The following SV2C variants were observed in gnomAD, a reference collection of about 807,000 sequenced individuals.
SV2C encodes synaptic vesicle glycoprotein 2C.
Under a neutral mutation model 79.7 loss-of-function variants are expected in SV2C, and 49 were observed. That is an observed-to-expected ratio of 0.61 (90% confidence interval 0.49 to 0.78). SV2C has a LOEUF of 0.78. Among genes scored for constraint, SV2C ranks in the 30% least tolerant of loss-of-function variants. The pLI is 0.00. For missense variants in SV2C, 833 were observed against 912.9 expected, an observed-to-expected ratio of 0.91 and a Z score of 1.13; for synonymous variants, 334 against 333.2, an observed-to-expected ratio of 1.00 and a Z score of -0.03.
chr5:75,950,127 T>C, the SV2C span, among the ~76,000 whole-genome samples: 1 of 152,074 alleles, frequency 6.6e-6, no homozygotes, highest in Non-Finnish European at 1.5e-5. Flanking sequence ...ACTGTTGGTG[T>C]GTTTATACGC....
intron 4 of SV2C, among the ~76,000 whole-genome samples, chr5:76,235,904 T>TC (rs1159144727): frequency 3.9e-5 from 6 of 152,080 alleles, no homozygotes; most frequent in African/African-American, 1.4e-4. Flanking sequence ...TGAGTTGTCT[T>TC]CCCCCCACCG....
intron 4 of SV2C, among the ~76,000 whole-genome samples, chr5:76,278,062 C>T (rs1170482903): frequency 3.9e-5 from 6 of 152,130 alleles, no homozygotes; most frequent in African/African-American, 7.2e-5. Flanking sequence ...AAAAGTGAAT[C>T]AAGGTTATTT....
At chr5:75,908,161 C>T in the SV2C span, among the ~76,000 whole-genome samples, 11 of 152,318 alleles carry the variant, frequency 7.2e-5, no homozygotes, top group South Asian at 2.3e-3. Flanking sequence ...TAATTTTTAA[C>T]ACCTGCTATT....
the SV2C span, among the ~76,000 whole-genome samples, chr5:75,991,559 T>C: frequency 7.3e-6 from 1 of 137,930 alleles, no homozygotes; most frequent in Admixed American, 7.7e-5. Context: ...CAGCAGTTTC[T>C]TAGCAAGATA....
At chr5:76,271,691 A>ACTCCTGAC (rs1413318865) in intron 4 of SV2C, among the ~76,000 whole-genome samples, 1 of 143,198 alleles carries the variant, frequency 7.0e-6, no homozygotes, top group South Asian at 2.2e-4. Context: ...CTAGTCTCGA[A>ACTCCTGAC]CTCCTGACCT....
intron 1 of SV2C, among the ~76,000 whole-genome samples, chr5:76,126,339 A>G (rs1414680261): frequency 1.3e-5 from 2 of 152,214 alleles, no homozygotes; most frequent in African/African-American, 4.8e-5. Context: ...GGTAGTTTAC[A>G]GGGTTGGAGG....
intron 2 of SV2C, among the ~76,000 whole-genome samples, chr5:76,184,573 C>T (rs1248139547): frequency 6.6e-6 from 1 of 152,332 alleles, no homozygotes; most frequent in East Asian, 1.9e-4. Flanking sequence ...AACTTACAAT[C>T]ATGGCAAAAG....
chr5:75,893,399 C>G, the SV2C span, among the ~76,000 whole-genome samples: 1 of 151,870 alleles, frequency 6.6e-6, no homozygotes, highest in Non-Finnish European at 1.5e-5. Context: ...GGGTCTAACA[C>G]TGAGGTTTTG....
chr5:76,132,324 T>G lies in SV2C; in HGVS notation c.574T>G (p.Trp192Gly), dbSNP rs1375697963. 1.1e-5 allele frequency: 17 copies of G among 1,609,504 alleles called. No homozygotes were observed. The highest frequency in any genetic ancestry group is 1.4e-5 in the Non-Finnish European group (17 of 1,177,038). Residue 192 changes from tryptophan (W) to glycine (G), a missense_variant, in exon 2 of 13, where the codon TGG becomes GGG. Transcript: ENST00000502798. ...CTGCATCCCAAATTCAGGATCTGGA[T>G]GGCTAGGTGAGTGTGTGGTGTCAGT... ...DLCIPNSGSGWLGSIVYLGMM... is the reference protein window; with the variant it reads ...DLCIPNSGSGGLGSIVYLGMM...
intron 2 of SV2C, among the ~76,000 whole-genome samples, chr5:76,190,464 C>G (rs1744064640): frequency 6.6e-6 from 1 of 152,208 alleles, no homozygotes; most frequent in Non-Finnish European, 1.5e-5. Flanking sequence ...TAACTGGATT[C>G]TTGCTGAAGA....
At chr5:76,008,936 G>A in the SV2C span, among the ~76,000 whole-genome samples, 1 of 151,968 alleles carries the variant, frequency 6.6e-6, no homozygotes, top group African/African-American at 2.4e-5. Context: ...TCTTCAAACA[G>A]GCCCTTCCGT....
At chr5:76,009,525 G>T in the SV2C span, among the ~76,000 whole-genome samples, 1 of 152,188 alleles carries the variant, frequency 6.6e-6, no homozygotes, top group Non-Finnish European at 1.5e-5. Flanking sequence ...GCCTGTCAGT[G>T]GTGGATTGGA....
the SV2C span, among the ~76,000 whole-genome samples, chr5:75,929,659 A>G: frequency 3.2e-3 from 493 of 152,228 alleles, 4 homozygotes; most frequent in African/African-American, 0.011. Flanking sequence ...AACTAATTTT[A>G]TTGTAAGTTT....
At chr5:76,130,857 T>C (rs1275700305) in intron 1 of SV2C, among the ~76,000 whole-genome samples, 1 of 151,616 alleles carries the variant, frequency 6.6e-6, no homozygotes, top group Admixed American at 6.6e-5. Flanking sequence ...TATCCAGAGA[T>C]GAAGAAAATA....
At chr5:76,164,111 A>C (rs1742973394) in intron 2 of SV2C, among the ~76,000 whole-genome samples, 1 of 152,196 alleles carries the variant, frequency 6.6e-6, no homozygotes, top group Admixed American at 6.5e-5. Flanking sequence ...TTTATGCCTT[A>C]AGTCAGCTGT....
chr5:75,882,796 A>G, the SV2C span, among the ~76,000 whole-genome samples: 6 of 151,226 alleles, frequency 4.0e-5, no homozygotes, highest in South Asian at 2.1e-4. Flanking sequence ...CCATAAAAAA[A>G]AAAACTCCAA....
chr5:76,043,031 A>G, the SV2C span, among the ~76,000 whole-genome samples: 1 of 152,220 alleles, frequency 6.6e-6, no homozygotes, highest in Non-Finnish European at 1.5e-5. Context: ...TAGGACTGTC[A>G]GCTTCCATGA....
intron 4 of SV2C, 137 bp from the exon 5 acceptor site, chr5:76,285,022 GGAT>G: frequency 8.1e-7 from 1 of 1,236,998 alleles, no homozygotes; most frequent in Admixed American, 2.3e-5. Flanking sequence ...TGGCCACCAT[GGAT>G]GATGCCCAGA....
the SV2C span, among the ~76,000 whole-genome samples, chr5:75,912,965 G>A: frequency 6.6e-6 from 1 of 152,212 alleles, no homozygotes; most frequent in African/African-American, 2.4e-5. Flanking sequence ...CCAAATGGCA[G>A]GAGAGTGTAT....
Sources: allele counts gnomAD v4.1 joint callset (sites outside exome capture counted in the v4.1 genomes callset), GRCh38; gene constraint gnomAD v4.1.1; transcripts MANE v1.5; gene names NCBI Gene and HGNC (gene_info 2026-07-23, HGNC 2026-07-21).